Variants in NPRL3 observed in about 807,000 individuals in gnomAD.
NPRL3 encodes GATOR1 complex protein NPRL3.
In NPRL3, 23 loss-of-function variants were observed where a neutral mutation model predicts 57.2. That is an observed-to-expected ratio of 0.40 (90% CI 0.29 to 0.57). NPRL3 has a LOEUF of 0.57. Among genes scored for constraint, NPRL3 ranks in the 20% least tolerant of loss-of-function variants. The pLI is 0.42. For synonymous variants in NPRL3, 333 were observed against 321.1 expected, an observed-to-expected ratio of 1.04 and a Z score of -0.39; for missense variants, 691 against 767.1, an observed-to-expected ratio of 0.90 and a Z score of 1.17.
Position 86,486 on chromosome 16 carries a change from A to T in NPRL3, c.*219T>A. 1 of 555,442 alleles carries T rather than the reference A, an allele frequency of 1.8e-6. No homozygotes were observed. Among genetic ancestry groups the T allele is most frequent in the Non-Finnish European group, 3.2e-6 (1 of 310,508 alleles). The allele number at this position is 555,442 out of a possible 1,614,324, so 34.4% of individuals were successfully genotyped here. On this transcript the variant is annotated 3_prime_UTR_variant, in exon 14 of 14. Coordinates refer to ENST00000611875, the MANE Select transcript of NPRL3 (RefSeq NM_001077350.3). ...TACGCGTGCGGCAAGGACTGGAGGG[A>T]AGCGTAGGAACACAGAGGGCAGCAG... is the stretch of plus-strand genomic sequence containing the variant.
intron 9 of NPRL3, among the ~76,000 whole-genome samples, chr16:95,342 T>TA (rs1296717310): frequency 1.8e-5 from 1 of 55,584 alleles, no homozygotes. Flanking sequence ...TATATATATA[T>TA]ATATATATAC....
chr16:125,285 T>G (rs994723465), intron 3 of NPRL3, among the ~76,000 whole-genome samples: 1 of 152,116 alleles, frequency 6.6e-6, no homozygotes, highest in Non-Finnish European at 1.5e-5. Context: ...AGCATTAAGA[T>G]GTTTCATGGA....
At chr16:88,620 C>G in intron 13 of NPRL3, 78 bp downstream of exon 13, 1 of 1,283,750 alleles carries the variant, frequency 7.8e-7, no homozygotes. Flanking sequence ...TTTGGTGGTT[C>G]TGTTGCGTAC....
chr16:117,898 G>C (rs959628899), intron 4 of NPRL3, among the ~76,000 whole-genome samples: 1 of 152,216 alleles, frequency 6.6e-6, no homozygotes. Context: ...CAAGGGGCAC[G>C]GGGGAACTCT....
intron 7 of NPRL3, among the ~76,000 whole-genome samples, chr16:100,828 A>G (rs368595778): frequency 1.8e-3 from 271 of 149,568 alleles, no homozygotes; most frequent in African/African-American, 6.2e-3. Context: ...AAAATTAGCC[A>G]GGTGTGGTGG....
At chr16:134,077 A>G (rs1226585119) in intron 2 of NPRL3, among the ~76,000 whole-genome samples, 7 of 152,242 alleles carry the variant, frequency 4.6e-5, no homozygotes, top group African/African-American at 7.2e-5. Context: ...AGTTTGAAAT[A>G]CTGCAAGAAT....
intron 3 of NPRL3, among the ~76,000 whole-genome samples, chr16:122,079 G>A (rs1354878973): frequency 3.5e-5 from 5 of 144,566 alleles, no homozygotes; most frequent in Non-Finnish European, 7.5e-5. Context: ...CCGGCCCCAT[G>A]ACAAAACAAT....
intron 3 of NPRL3, among the ~76,000 whole-genome samples, chr16:128,973 T>C (rs1476076765): frequency 6.6e-6 from 1 of 152,204 alleles, no homozygotes; most frequent in Non-Finnish European, 1.5e-5. Flanking sequence ...TACAGATATA[T>C]GATGTGCTAA....
chr16:95,522 C>T (rs1409548447), intron 9 of NPRL3, among the ~76,000 whole-genome samples: 1 of 151,872 alleles, frequency 6.6e-6, no homozygotes, highest in Non-Finnish European at 1.5e-5. Flanking sequence ...TCATGACACA[C>T]CCAAAATTTA....
At chr16:112,333 C>T (rs189720624) in intron 6 of NPRL3, among the ~76,000 whole-genome samples, 2 of 152,330 alleles carry the variant, frequency 1.3e-5, no homozygotes, top group Admixed American at 6.5e-5. Context: ...CAATCAGCCC[C>T]GTGTGAAGAT....
In NPRL3 at chr16:86,414, C is replaced by A. The variant is rs1423536781; in HGVS notation, c.*291G>T. On this transcript the variant is annotated 3_prime_UTR_variant, in exon 14 of 14. Transcript: ENST00000611875. ...ATGGGCCTTGAAGGATGCGGCCTCA[C>A]CCAGAGACAGGAGTCCTGGCAGGCC... The A allele has an allele frequency of 4.7e-6, 2 of 428,438 alleles. No individual in the cohort carries two copies. The highest frequency in any genetic ancestry group is 3.9e-5 in the East Asian group (1 of 25,928). The allele number at this position is 428,438 out of a possible 1,614,324, so 26.5% of individuals were successfully genotyped here.
At chr16:137,517 G>C (rs1041223030) in intron 2 of NPRL3, among the ~76,000 whole-genome samples, 2 of 152,186 alleles carry the variant, frequency 1.3e-5, no homozygotes, top group Middle Eastern at 3.4e-3. Context: ...GCTAGAACTG[G>C]GGGTGGCAAA....
At chr16:112,569 G>A in intron 6 of NPRL3, 53 bp downstream of exon 6, 7 of 1,434,638 alleles carry the variant, frequency 4.9e-6, no homozygotes, top group Non-Finnish European at 6.5e-6. Flanking sequence ...CTGCGCTGCA[G>A]AGAGGCCACC....
At chr16:135,191 G>C (rs1901013599) in intron 2 of NPRL3, among the ~76,000 whole-genome samples, 1 of 152,120 alleles carries the variant, frequency 6.6e-6, no homozygotes, top group African/African-American at 2.4e-5. Flanking sequence ...AATTATGTTG[G>C]CCCAATCAAT....
intron 7 of NPRL3, among the ~76,000 whole-genome samples, chr16:100,779 CTAAT>C (rs1567134942): frequency 6.8e-6 from 1 of 146,002 alleles, no homozygotes; most frequent in Non-Finnish European, 1.5e-5. Context: ...ACCAGCCTGG[CTAAT>C]AACACGGTGA....
At chr16:101,721 C>G (rs1184977776) in intron 7 of NPRL3, among the ~76,000 whole-genome samples, 4 of 152,220 alleles carry the variant, frequency 2.6e-5, no homozygotes, top group African/African-American at 4.8e-5. Context: ...CTGCAACACC[C>G]ACGTTCCTGT....
rs115774669 is a variant in NPRL3 at position 91,598 on chromosome 16, C to G, written c.1161+998G>C. 4.8e-3 allele frequency among the ~76,000 whole-genome samples: 734 copies of G among 152,298 alleles called. 7 individuals carry two copies. The highest frequency in any genetic ancestry group is 0.017 in the African/African-American group (697 of 41,548). ...AGGGGTGCAGAGAGTGCCTTTTATT[C>G]AGCTGGTACAACCTGGCTCAGCTCC... On this transcript the variant is annotated intron_variant, in intron 11 of 13. Transcript: ENST00000611875.
intron 11 of NPRL3, chr16:90,155 G>A (rs552284115): frequency 4.2e-5 from 20 of 474,116 alleles, no homozygotes; most frequent in African/African-American, 4.1e-4. Flanking sequence ...ACACACCGGG[G>A]CCACCCAGCA....
In NPRL3 at chr16:110,535, C is replaced by T; in HGVS notation, c.619G>A (p.Ala207Thr). ...KCKLARDLKEAYDSLCTSGVV... is the reference protein window; with the variant it reads ...KCKLARDLKETYDSLCTSGVV... ...ACCCACCTGTCTTACCTGTCATAAGCTTCCTTGAGGTCCCTGGCCAGCTTG... is the reference window on the plus strand; with the variant it reads ...ACCCACCTGTCTTACCTGTCATAAGTTTCCTTGAGGTCCCTGGCCAGCTTG... Residue 207 changes from alanine to threonine, a missense_variant, in exon 7 of 14, where the codon GCT (alanine) becomes ACT (threonine). Transcript: ENST00000611875. 1 of 1,611,538 alleles carries T rather than the reference C, an allele frequency of 6.2e-7. No individual in the cohort carries two copies. Among genetic ancestry groups the T allele is most frequent in the East Asian group, 2.2e-5 (1 of 44,860 alleles).
Sources: gnomAD v4.1 joint callset for allele counts (sites outside exome capture counted in the v4.1 genomes callset) on GRCh38, gnomAD v4.1.1 for gene constraint, MANE v1.5 for transcripts, NCBI Gene and HGNC (gene_info 2026-07-23, HGNC 2026-07-21) for gene names.